LRRC4C: variants seen among roughly 807,000 people sequenced by gnomAD.
LRRC4C encodes the protein leucine rich repeat containing 4C, also known as leucine-rich repeat-containing protein 4C.
LRRC4C carries 5 observed loss-of-function variants against 33.6 expected under a neutral mutation model. The ratio of observed to expected loss-of-function variants is 0.15; its 90% CI spans 0.08 to 0.31. LRRC4C has a LOEUF of 0.31. Among genes scored for constraint, LRRC4C ranks in the 10% least tolerant of loss-of-function variants. The probability of loss-of-function intolerance (pLI) is 1.00; values close to 1 mark genes in which losing one functional copy is unlikely to be tolerated. For missense variants in LRRC4C, 560 were observed against 796.7 expected (o/e 0.70, Z 3.58); for synonymous variants, 329 against 302.0 (o/e 1.09, Z -0.93).
chr11:41,352,183 G>A (rs1416241765), intron 1 of LRRC4C, among the ~76,000 whole-genome samples: 2 of 151,834 alleles, frequency 1.3e-5, no homozygotes, highest in Non-Finnish European at 2.9e-5. Flanking sequence ...CAAACAAATT[G>A]AACACAAAAA....
At chr11:40,529,531 G>A (rs1231840010) in intron 3 of LRRC4C, among the ~76,000 whole-genome samples, 1 of 151,996 alleles carries the variant, frequency 6.6e-6, no homozygotes, top group African/African-American at 2.4e-5. Flanking sequence ...AAAAGAAAGG[G>A]AAATGCCAGT....
chr11:41,283,501 G>T (rs1949732135), intron 1 of LRRC4C, among the ~76,000 whole-genome samples: 1 of 152,124 alleles, frequency 6.6e-6, no homozygotes, highest in South Asian at 2.1e-4. Context: ...CTTTTGAGTG[G>T]TTGAAAAAAC....
intron 2 of LRRC4C, among the ~76,000 whole-genome samples, chr11:40,882,406 G>A (rs181185137): frequency 1.6e-3 from 242 of 152,168 alleles, no homozygotes; most frequent in African/African-American, 5.4e-3. Context: ...GCAACATATG[G>A]TCACACTACC....
chr11:41,181,438 T>C (rs1228142491), intron 1 of LRRC4C, among the ~76,000 whole-genome samples: 4 of 152,060 alleles, frequency 2.6e-5, no homozygotes, highest in African/African-American at 4.8e-5. Flanking sequence ...CTGGTCTCAT[T>C]AAATACCCTC....
At chr11:40,660,213 G>A (rs144637736) in intron 2 of LRRC4C, among the ~76,000 whole-genome samples, 216 of 152,342 alleles carry the variant, frequency 1.4e-3, no homozygotes, top group African/African-American at 5.0e-3. Context: ...CAGCTGGTGT[G>A]CCTGGCAGTG....
chr11:40,866,875 C>A (rs560752121), intron 2 of LRRC4C, among the ~76,000 whole-genome samples: 1 of 152,208 alleles, frequency 6.6e-6, no homozygotes, highest in Non-Finnish European at 1.5e-5. Context: ...GCCTCACAGA[C>A]CATTTTGCAT....
intron 1 of LRRC4C, among the ~76,000 whole-genome samples, chr11:41,384,661 T>A (rs1953286180): frequency 1.3e-5 from 2 of 151,316 alleles, no homozygotes. Flanking sequence ...GAAGACCTAC[T>A]AAGTGCTCAT....
intron 3 of LRRC4C, among the ~76,000 whole-genome samples, chr11:40,417,750 A>G (rs1950381023): frequency 6.6e-6 from 1 of 152,134 alleles, no homozygotes; most frequent in African/African-American, 2.4e-5. Flanking sequence ...TCTGAGAAGT[A>G]CACTCTGTGC....
At chr11:41,395,800 C>T (rs907929442) in intron 1 of LRRC4C, among the ~76,000 whole-genome samples, 1 of 152,002 alleles carries the variant, frequency 6.6e-6, no homozygotes, top group African/African-American at 2.4e-5. Context: ...TCTCTTCTTT[C>T]ACTCCTCTTA....
chr11:41,146,941 A>T (rs547776218), intron 1 of LRRC4C, among the ~76,000 whole-genome samples: 1 of 152,360 alleles, frequency 6.6e-6, no homozygotes, highest in East Asian at 1.9e-4. Flanking sequence ...GTTGAAACAG[A>T]TTAGTCATAT....
chr11:41,375,876 T>C (rs1371551612), intron 1 of LRRC4C, among the ~76,000 whole-genome samples: 1 of 152,012 alleles, frequency 6.6e-6, no homozygotes, highest in African/African-American at 2.4e-5. Flanking sequence ...TATATTAATA[T>C]TCATAAATTT....
intron 5 of LRRC4C, among the ~76,000 whole-genome samples, chr11:40,165,247 T>C (rs1859490298): frequency 6.6e-6 from 1 of 152,242 alleles, no homozygotes; most frequent in Non-Finnish European, 1.5e-5. Context: ...TATTCGCATG[T>C]CTGTATCTAT....
intron 1 of LRRC4C, among the ~76,000 whole-genome samples, chr11:41,024,840 G>C (rs1856230839): frequency 6.6e-6 from 1 of 151,292 alleles, no homozygotes; most frequent in Non-Finnish European, 1.5e-5. Context: ...CAAATTTATT[G>C]GTGCCACTTT....
At chr11:40,488,281 T>TCC (rs141164706) in intron 3 of LRRC4C, among the ~76,000 whole-genome samples, 1 of 150,642 alleles carries the variant, frequency 6.6e-6, no homozygotes, top group East Asian at 1.9e-4. Flanking sequence ...GGTGTTTTTT[T>TCC]CCCCCCCCCA....
chr11:41,209,277 A>T (rs2136304836), intron 1 of LRRC4C, among the ~76,000 whole-genome samples: 1 of 150,958 alleles, frequency 6.6e-6, no homozygotes, highest in Admixed American at 6.6e-5. Context: ...TGTAAAGATC[A>T]AATGAAATTT....
chr11:40,979,022 TA>T (rs1852305614), intron 1 of LRRC4C, among the ~76,000 whole-genome samples: 1 of 152,210 alleles, frequency 6.6e-6, no homozygotes, highest in African/African-American at 2.4e-5. Flanking sequence ...TTGAATATGA[TA>T]GTTCTTCTTT....
rs1197506037 is a variant in LRRC4C at position 41,303,178 on chromosome 11, G to T, written c.-496+156253C>A. On this transcript the variant is annotated intron_variant, in intron 1 of 6. Transcript: ENST00000528697. ...AGCTGGACTGTACTGCTGCCATCTC[G>T]GCTCACTGCAACCTCCCTGCCTGAT... Among the ~76,000 whole-genome samples the T allele has an allele frequency of 2.1e-5, 3 of 140,584 alleles. No homozygotes were observed. The South Asian group carries it at 7.4e-4, about 34-fold the overall frequency. The allele number at this position is 140,584 out of a possible 152,430, so 92.2% of individuals were successfully genotyped here.
intron 2 of LRRC4C, among the ~76,000 whole-genome samples, chr11:40,914,529 G>A (rs1255843049): frequency 6.6e-6 from 1 of 152,102 alleles, no homozygotes; most frequent in Non-Finnish European, 1.5e-5. Flanking sequence ...AATAAATTAG[G>A]TATTGATGGG....
chr11:40,358,743 C>A (rs188806039), intron 3 of LRRC4C, among the ~76,000 whole-genome samples: 1 of 152,104 alleles, frequency 6.6e-6, no homozygotes, highest in Non-Finnish European at 1.5e-5. Context: ...TTTTCTGATT[C>A]CACATGCAAA....
Sources: gnomAD v4.1 joint callset for allele counts (sites outside exome capture counted in the v4.1 genomes callset) on GRCh38, gnomAD v4.1.1 for gene constraint, MANE v1.5 for transcripts, NCBI Gene and HGNC (gene_info 2026-07-23, HGNC 2026-07-21) for gene names.